IGFL2: variants seen among roughly 807,000 people sequenced by gnomAD.
IGFL2 encodes the protein insulin growth factor-like family member 2.
Under a neutral mutation model 13.9 loss-of-function variants are expected in IGFL2, and 7 were observed. The observed-to-expected ratio is 0.51, with a 90% CI of 0.29 to 0.95. The LOEUF (loss-of-function observed/expected upper bound fraction) is 0.95, where lower values mean the gene tolerates loss of function less well. Among genes scored for constraint, IGFL2 ranks in the 40% least tolerant of loss-of-function variants. IGFL2 has a pLI of 0.08. For synonymous variants in IGFL2, 55 were observed against 55.8 expected, an observed-to-expected ratio of 0.99 and a Z score of 0.07; for missense variants, 138 against 147.8, an observed-to-expected ratio of 0.93 and a Z score of 0.34.
chr19:46,167,253 A>G, the IGFL2 span, among the ~76,000 whole-genome samples: 1 of 152,164 alleles, frequency 6.6e-6, no homozygotes, highest in African/African-American at 2.4e-5. Context: ...CCTTTGGGCC[A>G]CAGTGAAGAA....
At chr19:46,138,137 A>G (rs1376814801), upstream of IGFL2, among the ~76,000 whole-genome samples, 1 of 152,116 alleles carries the variant, frequency 6.6e-6, no homozygotes, top group African/African-American at 2.4e-5. Context: ...GTTTTTTCTC[A>G]TCTGTGTGGG....
chr19:46,177,562 A>G, the IGFL2 span, among the ~76,000 whole-genome samples: 128 of 152,298 alleles, frequency 8.4e-4, 2 homozygotes, highest in Middle Eastern at 0.017. Flanking sequence ...AGAATGAGAA[A>G]GAATGAGAAA....
At chr19:46,174,147 C>A in the IGFL2 span, 1 of 152,346 alleles carries the variant, frequency 6.6e-6, no homozygotes, top group South Asian at 2.1e-4. Flanking sequence ...ACAGACCCAC[C>A]TTTTCCTCAC....
the IGFL2 span, chr19:46,214,745 G>A: frequency 6.6e-6 from 1 of 152,298 alleles, no homozygotes; most frequent in Non-Finnish European, 1.5e-5. Flanking sequence ...AGCCGTCCAG[G>A]GCCTGAAGAG....
the IGFL2 span, among the ~76,000 whole-genome samples, chr19:46,190,747 G>C: frequency 1.3e-5 from 2 of 152,202 alleles, no homozygotes; most frequent in Non-Finnish European, 2.9e-5. Flanking sequence ...TTCCCCCATG[G>C]GGGGTGGGGG....
the IGFL2 span, among the ~76,000 whole-genome samples, chr19:46,129,185 A>T: frequency 6.6e-6 from 1 of 152,110 alleles, no homozygotes; most frequent in Admixed American, 6.5e-5. Context: ...TAGTGATAAT[A>T]TCCCCCTTTA....
chr19:46,164,236 A>G (rs1974289480), downstream of IGFL2: 1 of 151,370 alleles, frequency 6.6e-6, no homozygotes, highest in Non-Finnish European at 1.5e-5. Context: ...GGAGAACACA[A>G]ACAGGGGTGA....
chr19:46,079,879 T>C, the IGFL2 span, among the ~76,000 whole-genome samples: 2 of 152,184 alleles, frequency 1.3e-5, no homozygotes, highest in African/African-American at 2.4e-5. Flanking sequence ...TTTAGATCAC[T>C]ACAATGCTGC....
chr19:46,084,347 A>AT, the IGFL2 span, among the ~76,000 whole-genome samples: 2 of 152,054 alleles, frequency 1.3e-5, no homozygotes, highest in Admixed American at 6.5e-5. Context: ...TTCTTTATTG[A>AT]TTTTGTTTTG....
chr19:46,142,167 C>A (rs1972888825), upstream of IGFL2, among the ~76,000 whole-genome samples: 1 of 152,208 alleles, frequency 6.6e-6, no homozygotes, highest in South Asian at 2.1e-4. Context: ...CATCCAATAA[C>A]ATAAATGTGT....
At chr19:46,080,857 T>G in the IGFL2 span, among the ~76,000 whole-genome samples, 1 of 152,216 alleles carries the variant, frequency 6.6e-6, no homozygotes, top group Non-Finnish European at 1.5e-5. Flanking sequence ...GGCTGCCCAT[T>G]GGTGAGTGGG....
chr19:46,125,976 G>T, the IGFL2 span, among the ~76,000 whole-genome samples: 33 of 152,182 alleles, frequency 2.2e-4, no homozygotes, highest in Non-Finnish European at 4.0e-4. Flanking sequence ...TCTTACAGAA[G>T]TGGCAAGGGG....
chr19:46,142,449 A>G (rs577395029), upstream of IGFL2, among the ~76,000 whole-genome samples: 5 of 152,330 alleles, frequency 3.3e-5, no homozygotes, highest in Non-Finnish European at 5.9e-5. Context: ...CTTTGTTAAC[A>G]TTTACTCACT....
the IGFL2 span, among the ~76,000 whole-genome samples, chr19:46,188,234 G>A: frequency 6.6e-6 from 1 of 152,130 alleles, no homozygotes; most frequent in Non-Finnish European, 1.5e-5. Context: ...CCCCCAGAAA[G>A]GCAGGTAACC....
chr19:46,089,403 C>T, the IGFL2 span, among the ~76,000 whole-genome samples: 1 of 152,132 alleles, frequency 6.6e-6, no homozygotes, highest in East Asian at 1.9e-4. Context: ...GTGATTTATA[C>T]ACCACTGTTA....
At chr19:46,144,943 G>A (rs1186243793), upstream of IGFL2, among the ~76,000 whole-genome samples, 3 of 152,092 alleles carry the variant, frequency 2.0e-5, no homozygotes, top group Non-Finnish European at 2.9e-5. Context: ...GCCAAGTCAT[G>A]GTGTATGTAA....
At chr19:46,081,081 A>G in the IGFL2 span, among the ~76,000 whole-genome samples, 15 of 152,202 alleles carry the variant, frequency 9.9e-5, no homozygotes, top group Non-Finnish European at 2.1e-4. Flanking sequence ...CTGTGTCGCC[A>G]GGCTTCCCAC....
the IGFL2 span, among the ~76,000 whole-genome samples, chr19:46,185,209 C>T: frequency 1.3e-5 from 2 of 152,172 alleles, no homozygotes; most frequent in Non-Finnish European, 1.5e-5. Context: ...TGTCTGTTCA[C>T]TCTGCTGATA....
At chr19:46,127,551 A>G in the IGFL2 span, among the ~76,000 whole-genome samples, 1 of 152,212 alleles carries the variant, frequency 6.6e-6, no homozygotes, top group Non-Finnish European at 1.5e-5. Flanking sequence ...TGCTGATTTA[A>G]TGAAAATTAT....
Sources: gnomAD v4.1 joint callset for allele counts (sites outside exome capture counted in the v4.1 genomes callset) on GRCh38, gnomAD v4.1.1 for gene constraint, MANE v1.5 for transcripts, NCBI Gene and HGNC (gene_info 2026-07-23, HGNC 2026-07-21) for gene names.